NBAS: variants seen among roughly 807,000 people sequenced by gnomAD.
NBAS encodes the protein NBAS subunit of NRZ tethering complex.
A neutral mutation model predicts 302.5 loss-of-function variants in NBAS; 219 were observed. The ratio of observed to expected loss-of-function variants is 0.72; its 90% CI spans 0.65 to 0.81. The LOEUF (loss-of-function observed/expected upper bound fraction) is 0.81, where lower values mean the gene tolerates loss of function less well. NBAS is among the 30% of genes least tolerant of loss of function. NBAS has a pLI of 0.00. For missense variants in NBAS, 2,932 were observed against 2,841.6 expected (o/e 1.03, Z -0.72); for synonymous variants, 1,118 against 1,021.6 (o/e 1.09, Z -1.80).
the NBAS span, among the ~76,000 whole-genome samples, chr2:14,933,708 G>C: frequency 6.6e-6 from 1 of 152,150 alleles, no homozygotes; most frequent in Admixed American, 6.5e-5. Context: ...GGAATTCAGT[G>C]AGAAGGCATG....
intron 44 of NBAS, among the ~76,000 whole-genome samples, chr2:15,263,828 C>T (rs756152853): frequency 6.6e-6 from 1 of 152,170 alleles, no homozygotes; most frequent in Non-Finnish European, 1.5e-5. Context: ...TGTTTACCAT[C>T]CCCATTTATG....
At chr2:14,894,797 G>T in the NBAS span, among the ~76,000 whole-genome samples, 2 of 152,134 alleles carry the variant, frequency 1.3e-5, no homozygotes, top group African/African-American at 2.4e-5. Context: ...GGTGGCTCAT[G>T]CCTGTAATCC....
chr2:15,357,559 A>C (rs182414156), intron 32 of NBAS, among the ~76,000 whole-genome samples: 24 of 152,278 alleles, frequency 1.6e-4, no homozygotes, highest in African/African-American at 5.8e-4. Flanking sequence ...AGACAGGTCA[A>C]AACCTATGTT....
intron 44 of NBAS, among the ~76,000 whole-genome samples, chr2:15,256,567 A>G (rs1223624295): frequency 6.6e-6 from 1 of 152,180 alleles, no homozygotes; most frequent in Non-Finnish European, 1.5e-5. Context: ...TGCTCTGGCT[A>G]GGACTTCCAG....
the NBAS span, among the ~76,000 whole-genome samples, chr2:14,863,223 T>A: frequency 6.6e-6 from 1 of 152,218 alleles, no homozygotes; most frequent in Non-Finnish European, 1.5e-5. Context: ...CCATTGGTTG[T>A]CATGCATGTC....
the NBAS span, among the ~76,000 whole-genome samples, chr2:15,130,047 C>T: frequency 2.0e-5 from 3 of 152,210 alleles, no homozygotes; most frequent in East Asian, 1.9e-4. Context: ...AAACCCTCTA[C>T]GCATTAAGTA....
chr2:15,050,191 C>G, the NBAS span, among the ~76,000 whole-genome samples: 1 of 152,144 alleles, frequency 6.6e-6, no homozygotes, highest in South Asian at 2.1e-4. Context: ...CCAGCACACT[C>G]GAACCAAAAA....
the NBAS span, among the ~76,000 whole-genome samples, chr2:14,815,549 A>G: frequency 4.6e-5 from 7 of 152,336 alleles, 1 homozygote; most frequent in Admixed American, 4.6e-4. Context: ...GTCACTCAAT[A>G]CAATGCTCAG....
chr2:15,258,003 A>G (rs546123463), intron 44 of NBAS, among the ~76,000 whole-genome samples: 8 of 152,334 alleles, frequency 5.3e-5, no homozygotes, highest in African/African-American at 1.9e-4. Flanking sequence ...TGCATTTTGA[A>G]TATAATTTTA....
chr2:15,068,805 C>A, the NBAS span, among the ~76,000 whole-genome samples: 2 of 152,180 alleles, frequency 1.3e-5, no homozygotes, highest in African/African-American at 4.8e-5. Flanking sequence ...CTGTATTAAT[C>A]TGTTTTCTGT....
intron 6 of NBAS, among the ~76,000 whole-genome samples, chr2:15,541,356 AG>A (rs1217613288): frequency 6.6e-6 from 1 of 152,178 alleles, no homozygotes; most frequent in Admixed American, 6.5e-5. Context: ...CTCTATTAAC[AG>A]GGCAAGGTAA....
chr2:15,200,540 C>T (rs73194945), intron 48 of NBAS, among the ~76,000 whole-genome samples: 3,729 of 152,138 alleles, frequency 0.025, 119 homozygotes, highest in African/African-American at 0.079. Context: ...GAGGTGAAAA[C>T]GTCAAATAGT....
chr2:15,449,051 G>A (rs976603601), intron 21 of NBAS, among the ~76,000 whole-genome samples: 1 of 152,044 alleles, frequency 6.6e-6, no homozygotes, highest in Admixed American at 6.6e-5. Flanking sequence ...CATGAAAAGG[G>A]TATCATTTGG....
At chr2:15,264,292 C>T (rs181436884) in intron 44 of NBAS, among the ~76,000 whole-genome samples, 1 of 152,098 alleles carries the variant, frequency 6.6e-6, no homozygotes, top group Non-Finnish European at 1.5e-5. Context: ...TCTGTCTTCC[C>T]CAAGATTTAC....
chr2:15,053,455 G>A, the NBAS span, among the ~76,000 whole-genome samples: 2 of 152,244 alleles, frequency 1.3e-5, no homozygotes, highest in South Asian at 4.2e-4. Context: ...TGAGGGAGGT[G>A]GACAGGAAGT....
intron 6 of NBAS, among the ~76,000 whole-genome samples, chr2:15,550,478 C>A (rs936046343): frequency 6.6e-6 from 1 of 152,122 alleles, no homozygotes; most frequent in South Asian, 2.1e-4. Context: ...GTTAAACTAA[C>A]ACAAGATCAG....
the NBAS span, among the ~76,000 whole-genome samples, chr2:14,835,527 A>C: frequency 6.6e-6 from 1 of 151,788 alleles, no homozygotes; most frequent in Non-Finnish European, 1.5e-5. Flanking sequence ...TTTCCTATCT[A>C]TTTTACCACC....
At chr2:14,861,318 T>C in the NBAS span, among the ~76,000 whole-genome samples, 1 of 152,230 alleles carries the variant, frequency 6.6e-6, no homozygotes, top group Non-Finnish European at 1.5e-5. Flanking sequence ...TTTATCTCAC[T>C]GGTGTCTTCA....
At chr2:15,179,522 C>A in intron 50 of NBAS, 2 of 213,286 alleles carry the variant, frequency 9.4e-6, no homozygotes, top group South Asian at 1.7e-4. Flanking sequence ...TATTGATGAA[C>A]GCAGCATACA....
Sources: gnomAD v4.1 joint callset for allele counts (sites outside exome capture counted in the v4.1 genomes callset) on GRCh38, gnomAD v4.1.1 for gene constraint, MANE v1.5 for transcripts, NCBI Gene and HGNC (gene_info 2026-07-23, HGNC 2026-07-21) for gene names.